The following DOK5 variants were observed in gnomAD, a reference collection of about 807,000 sequenced individuals.
DOK5 encodes downstream of tyrosine kinase 5.
DOK5 carries 27 observed loss-of-function variants against 43.3 expected under a neutral mutation model. That is an observed-to-expected ratio of 0.62 (90% CI 0.46 to 0.86). The LOEUF is 0.86. Among genes scored for constraint, DOK5 ranks in the 40% least tolerant of loss-of-function variants. The pLI, the probability that DOK5 is intolerant of heterozygous loss-of-function variation, is 0.00. For synonymous variants in DOK5, 146 were observed against 140.1 expected, an observed-to-expected ratio of 1.04 and a Z score of -0.30; for missense variants, 373 against 392.9, an observed-to-expected ratio of 0.95 and a Z score of 0.43.
intron 7 of DOK5, among the ~76,000 whole-genome samples, chr20:54,644,388 A>G (rs1001015078): frequency 2.6e-5 from 4 of 151,952 alleles, no homozygotes; most frequent in Non-Finnish European, 5.9e-5. Flanking sequence ...CCTGGCCAAC[A>G]TGGTGAAACC....
intron 1 of DOK5, among the ~76,000 whole-genome samples, chr20:54,529,542 TAA>T (rs5841995): frequency 3.7e-4 from 55 of 148,226 alleles, no homozygotes; most frequent in South Asian, 1.1e-3. Flanking sequence ...AGGGTGACTT[TAA>T]AAAAAAAAAC....
chr20:54,485,607 T>A (rs184814259), intron 1 of DOK5, among the ~76,000 whole-genome samples: 2 of 152,356 alleles, frequency 1.3e-5, no homozygotes, highest in Admixed American at 6.5e-5. Context: ...GAAGCTGATA[T>A]ACTCATATAA....
intron 1 of DOK5, among the ~76,000 whole-genome samples, chr20:54,517,712 C>G (rs1375269196): frequency 1.3e-5 from 2 of 152,056 alleles, no homozygotes; most frequent in African/African-American, 4.8e-5. Context: ...ATCCTAACCC[C>G]CAAGGATTTG....
intron 1 of DOK5, among the ~76,000 whole-genome samples, chr20:54,486,884 G>A (rs1238781425): frequency 6.6e-6 from 1 of 152,046 alleles, no homozygotes; most frequent in Admixed American, 6.6e-5. Flanking sequence ...TTTATTGTCT[G>A]TGAGAACCAT....
At chr20:54,480,934 A>G (rs1414288659) in intron 1 of DOK5, among the ~76,000 whole-genome samples, 1 of 123,562 alleles carries the variant, frequency 8.1e-6, no homozygotes, top group African/African-American at 3.5e-5. Context: ...TCAATCATCT[A>G]TCATCTATCT....
intron 1 of DOK5, among the ~76,000 whole-genome samples, chr20:54,531,692 A>G (rs1169286293): frequency 6.6e-6 from 1 of 152,218 alleles, no homozygotes; most frequent in East Asian, 1.9e-4. Context: ...AAACTTTACA[A>G]AGTTTCCAAG....
chr20:54,636,262 C>T (rs537603569), intron 6 of DOK5, among the ~76,000 whole-genome samples: 64 of 152,152 alleles, frequency 4.2e-4, no homozygotes, highest in Non-Finnish European at 7.1e-4. Flanking sequence ...TGATAATAGC[C>T]CTTCCCTGAA....
intron 2 of DOK5, among the ~76,000 whole-genome samples, chr20:54,576,532 A>T (rs1985458370): frequency 6.6e-6 from 1 of 152,222 alleles, no homozygotes; most frequent in Non-Finnish European, 1.5e-5. Context: ...AAGGGGTGGA[A>T]TTGACTGAAA....
rs1986611906 is a variant in DOK5 at position 54,610,479 on chromosome 20, G to A, written c.691G>A (p.Ala231Thr). ...QKVHSAALAI[A>T]EQHERLLQSV... ...AGTCCACTCTGCTGCCTTGGCCATA[G>A]CCGAGCAGCACGAGCGCTTGCTACA... The change falls in exon 6 of 8, where the codon GCC becomes ACC. Residue 231 changes from alanine to threonine, a missense_variant. Transcript: ENST00000262593. 1 of 1,575,704 alleles carries A rather than the reference G, an allele frequency of 6.3e-7. No individual in the cohort carries two copies. The highest frequency in any genetic ancestry group is 1.4e-5 in the African/African-American group (1 of 73,368).
At chr20:54,522,522 C>CTTTTT (rs112690376) in intron 1 of DOK5, among the ~76,000 whole-genome samples, 1 of 140,208 alleles carries the variant, frequency 7.1e-6, no homozygotes, top group African/African-American at 2.6e-5. Context: ...TTCTTTCTTT[C>CTTTTT]TTTTTTTTTT....
chr20:54,580,108 C>G (rs746725614), intron 2 of DOK5, among the ~76,000 whole-genome samples: 5 of 152,120 alleles, frequency 3.3e-5, no homozygotes, highest in Non-Finnish European at 5.9e-5. Context: ...AAGACATGAA[C>G]TCATCCTTTT....
rs1326442411 is a variant in DOK5, at chr20:54,588,744, T to C, written c.347T>C (p.Ile116Thr). 3 of 1,613,890 alleles carry C rather than the reference T, an allele frequency of 1.9e-6. No individual in the cohort carries two copies. The highest frequency in any genetic ancestry group is 2.5e-6 in the Non-Finnish European group (3 of 1,179,948). ...VLQMECVGTR[I>T]NDISLGEPDL... ...CAGATGGAGTGTGTAGGAACACGGATCAATGACATCAGCCTTGGAGAGCCT... is the reference window on the plus strand; with the variant it reads ...CAGATGGAGTGTGTAGGAACACGGACCAATGACATCAGCCTTGGAGAGCCT... Residue 116 changes from isoleucine to threonine, a missense_variant, in exon 4 of 8, where the codon ATC becomes ACC. Physicochemically the swap from Ile to Thr is moderately conservative, Grantham distance 89 (BLOSUM62 -1). Coordinates refer to ENST00000262593, the MANE Select transcript of DOK5 (RefSeq NM_018431.5).
At chr20:54,508,148 A>G (rs1420300256) in intron 1 of DOK5, among the ~76,000 whole-genome samples, 2 of 151,998 alleles carry the variant, frequency 1.3e-5, no homozygotes, top group African/African-American at 4.8e-5. Flanking sequence ...GGTGTTTTAG[A>G]CCCATAGACT....
intron 1 of DOK5, among the ~76,000 whole-genome samples, chr20:54,520,930 C>T (rs1006368079): frequency 6.6e-6 from 1 of 152,170 alleles, no homozygotes; most frequent in South Asian, 2.1e-4. Context: ...TCACCCTTCC[C>T]TTTACTCTGT....
At chr20:54,590,145 A>G (rs1169204389) in intron 4 of DOK5, among the ~76,000 whole-genome samples, 1 of 152,174 alleles carries the variant, frequency 6.6e-6, no homozygotes, top group Non-Finnish European at 1.5e-5. Flanking sequence ...CACAATCTGA[A>G]TTTAAAAATT....
chr20:54,630,653 C>T (rs181861980), intron 6 of DOK5, among the ~76,000 whole-genome samples: 37 of 152,304 alleles, frequency 2.4e-4, no homozygotes, highest in African/African-American at 8.2e-4. Flanking sequence ...CTTGTTTTTA[C>T]GATCGTTTCA....
At position 54,502,649 on chromosome 20, in the gene DOK5, A is replaced by T. The variant is rs184891571; in HGVS notation, c.66+26637A>T. ...ATTTGTATATATGTCATGTGTGTGT[A>T]CACCGCATTTTTTCCCCACAAAAAT... On this transcript the variant is annotated intron_variant, in intron 1 of 7. Coordinates refer to ENST00000262593, the MANE Select transcript of DOK5 (RefSeq NM_018431.5). Among the ~76,000 whole-genome samples, 28 of 152,278 alleles carry T rather than the reference A, an allele frequency of 1.8e-4. No individual in the cohort carries two copies. The East Asian group carries it at 5.4e-3, about 29-fold the overall frequency.
At chr20:54,531,586 C>T (rs1455307692) in intron 1 of DOK5, among the ~76,000 whole-genome samples, 1 of 152,178 alleles carries the variant, frequency 6.6e-6, no homozygotes, top group Non-Finnish European at 1.5e-5. Flanking sequence ...CCACGTATTA[C>T]TATTGGAGAC....
intron 5 of DOK5, among the ~76,000 whole-genome samples, chr20:54,596,967 C>T (rs1600725386): frequency 1.3e-5 from 2 of 152,276 alleles, no homozygotes; most frequent in African/African-American, 4.8e-5. Flanking sequence ...TATATTACTA[C>T]TCTCTGCTGT....
Sources: gnomAD v4.1 joint callset for allele counts (sites outside exome capture counted in the v4.1 genomes callset) on GRCh38, gnomAD v4.1.1 for gene constraint, MANE v1.5 for transcripts, NCBI Gene and HGNC (gene_info 2026-07-23, HGNC 2026-07-21) for gene names.